The following TRPS1 variants were observed in gnomAD, a reference collection of about 807,000 sequenced individuals.
TRPS1 encodes the protein transcriptional repressor GATA binding 1.
In TRPS1, 6 loss-of-function variants were observed where a neutral mutation model predicts 101.2. That is an observed-to-expected ratio of 0.06 (90% CI 0.03 to 0.12). TRPS1 has a LOEUF of 0.12. Ranked by LOEUF, TRPS1 falls within the 10% of genes least tolerant of loss-of-function variation. The pLI is 1.00. For synonymous variants in TRPS1, 578 were observed against 589.8 expected (o/e 0.98, Z 0.29); for missense variants, 1,363 against 1,567.0 (o/e 0.87, Z 2.20).
chr8:115,606,900 G>C (rs1231988272), intron 3 of TRPS1, among the ~76,000 whole-genome samples: 2 of 151,158 alleles, frequency 1.3e-5, no homozygotes, highest in East Asian at 3.9e-4. Flanking sequence ...GATTCAAAAG[G>C]GATAAATTCA....
At position 115,604,714 on chromosome 8, in the gene TRPS1, C is replaced by T; in HGVS notation, c.1255G>A (p.Gly419Arg). ...KWQDKITVKA[G>R]DDTPVGYSVP... ...GAGTACCCAACAGGAGTGTCATCTC[C>T]TGCTTTGACTGTTATCTTGTCCTGC... Residue 419 changes from glycine to arginine, a missense_variant, in exon 4 of 7, where the codon GGA becomes AGA. Coordinates refer to ENST00000395715, the MANE Select transcript of TRPS1 (RefSeq NM_014112.5). The surrounding 1 kb of genome is among the most constrained non-coding windows in gnomAD (Gnocchi z 4.1). 5 of 1,613,810 alleles carry T rather than the reference C, an allele frequency of 3.1e-6. No individual in the cohort carries two copies. Among genetic ancestry groups the T allele is most frequent in the Non-Finnish European group, 4.2e-6 (5 of 1,179,898 alleles).
At chr8:115,637,343 G>C in intron 1 of TRPS1, 3 of 981,694 alleles carry the variant, frequency 3.1e-6, no homozygotes, top group Non-Finnish European at 3.6e-6. Context: ...AAAAAGAAGA[G>C]ATTAGGAAAA....
At chr8:115,544,251 G>T (rs1489392028) in intron 5 of TRPS1, among the ~76,000 whole-genome samples, 1 of 150,944 alleles carries the variant, frequency 6.6e-6, no homozygotes, top group African/African-American at 2.4e-5. Flanking sequence ...GCCTTCTTCA[G>T]GCCTCATTTG....
chr8:115,412,973 C>T lies in TRPS1; in HGVS notation c.*1050G>A, dbSNP rs185730794. On this transcript the variant is annotated 3_prime_UTR_variant, in exon 7 of 7. Coordinates refer to ENST00000395715, the MANE Select transcript of TRPS1 (RefSeq NM_014112.5). Reference sequence around the variant, plus strand: ...CAGTCTGTGGTAACGTAACCTTAGACGCTGCCTGACCACAAAGTTTGGAAA... The same window carrying T: ...CAGTCTGTGGTAACGTAACCTTAGATGCTGCCTGACCACAAAGTTTGGAAA... 7.2e-5 allele frequency: 11 copies of T among 152,626 alleles called. No individual in the cohort carries two copies. Among genetic ancestry groups the T allele is most frequent in the East Asian group, 1.9e-4 (1 of 5,178 alleles). 9.5% of individuals were successfully genotyped at this position (152,626 alleles called of 1,614,324 possible).
At chr8:115,636,563 G>T (rs1818771320) in intron 1 of TRPS1, among the ~76,000 whole-genome samples, 1 of 152,198 alleles carries the variant, frequency 6.6e-6, no homozygotes. Flanking sequence ...TACAGGAGGA[G>T]ACATGATTTA....
intron 5 of TRPS1, among the ~76,000 whole-genome samples, chr8:115,501,479 TA>T (rs1815318712): frequency 6.6e-6 from 1 of 152,208 alleles, no homozygotes; most frequent in Non-Finnish European, 1.5e-5. Context: ...AACTAATATT[TA>T]AAAACTCTCA....
chr8:115,631,347 C>A (rs1818636696), intron 1 of TRPS1, among the ~76,000 whole-genome samples: 1 of 151,890 alleles, frequency 6.6e-6, no homozygotes, highest in African/African-American at 2.4e-5. Context: ...AACAGCTATC[C>A]ATTCATATAT....
rs1200492080 is a variant in TRPS1 at position 115,605,002 on chromosome 8, C to T, written c.967G>A (p.Val323Met). 2.5e-6 allele frequency: 4 copies of T among 1,612,776 alleles called. No individual in the cohort carries two copies. The Admixed American group carries it at 5.0e-5, about 20-fold the overall frequency. The change falls in exon 4 of 7, where the codon GTG (valine) becomes ATG (methionine). Residue 323 changes from valine to methionine, a missense_variant and splice_region_variant. This residue lies in a region of TRPS1 where 1,020 missense variants were observed against 1,073.0 expected (regional missense o/e 0.95). Coordinates refer to ENST00000395715, the MANE Select transcript of TRPS1 (RefSeq NM_014112.5). Reference protein sequence around the residue: ...VLLNGTYDVQVTSGGTFIGIG... With the variant: ...VLLNGTYDVQMTSGGTFIGIG... ...CCAATGAATGTTCCACCTGAAGTCACCTGGAGAACAGAAGAAATGGACTTT... is the reference window on the plus strand; with the variant it reads ...CCAATGAATGTTCCACCTGAAGTCATCTGGAGAACAGAAGAAATGGACTTT...
intron 5 of TRPS1, among the ~76,000 whole-genome samples, chr8:115,527,622 C>T (rs1435836419): frequency 6.6e-6 from 1 of 151,990 alleles, no homozygotes; most frequent in Non-Finnish European, 1.5e-5. Context: ...TATAATAAAA[C>T]TGAAACTGTG....
intron 5 of TRPS1, among the ~76,000 whole-genome samples, chr8:115,439,961 TAAAAAGA>T (rs1227499195): frequency 6.6e-6 from 1 of 152,206 alleles, no homozygotes; most frequent in African/African-American, 2.4e-5. Flanking sequence ...ACTTTAGATC[TAAAAAGA>T]AACATTGAGT....
rs1812714006 is a variant in TRPS1, at chr8:115,408,747, T to A, written c.*5276A>T. Reference sequence around the variant, plus strand: ...CTTTTTCTTAGCAACATGAAATCATTCCATATGAAAGACATTTTCTGCTGG... The same window carrying A: ...CTTTTTCTTAGCAACATGAAATCATACCATATGAAAGACATTTTCTGCTGG... On this transcript the variant is annotated 3_prime_UTR_variant, in exon 7 of 7. Coordinates refer to ENST00000395715, the MANE Select transcript of TRPS1 (RefSeq NM_014112.5). The A allele has an allele frequency of 6.6e-6, 1 of 152,178 alleles. No homozygotes were observed. The highest frequency in any genetic ancestry group is 2.1e-4 in the South Asian group (1 of 4,824). 9.4% of individuals were successfully genotyped at this position (152,178 alleles called of 1,614,324 possible). A position where few individuals can be genotyped will look rare whatever the true frequency, so the allele number is the denominator to read the frequency against.
chr8:115,539,705 A>C (rs1351225054), intron 5 of TRPS1, among the ~76,000 whole-genome samples: 1 of 152,114 alleles, frequency 6.6e-6, no homozygotes, highest in African/African-American at 2.4e-5. Flanking sequence ...ATAATCCCCC[A>C]AAATTAGCCA....
chr8:115,605,187 T>C lies in TRPS1; in HGVS notation c.967-185A>G, dbSNP rs76695543. ...TCACTCTTCATTTCTCAACAGCTAC[T>C]CTTTGAGAGGCTCATTATGTTATAC... On this transcript the variant is annotated intron_variant, in intron 3 of 6. Transcript: ENST00000395715. Among the ~76,000 whole-genome samples the C allele has an allele frequency of 0.016, 2,483 of 152,262 alleles. 60 individuals carry two copies. The highest frequency in any genetic ancestry group is 0.057 in the African/African-American group (2,354 of 41,544).
At position 115,427,495 on chromosome 8, in the gene TRPS1, A is replaced by T. The variant is rs557119870; in HGVS notation, c.2701-9043T>A. On this transcript the variant is annotated intron_variant, in intron 5 of 6. Transcript: ENST00000395715. ...TATCATTATTATTATTATTCCCTCC[A>T]CTTTATAGATGAGAAAACTGAGGCT... is the stretch of plus-strand genomic sequence containing the variant. 1.1e-3 allele frequency among the ~76,000 whole-genome samples: 174 copies of T among 151,980 alleles called. 1 individual carries two copies. Among genetic ancestry groups the T allele is most frequent in the Non-Finnish European group, 1.0e-3 (71 of 68,004 alleles).
chr8:115,575,014 G>C (rs1817284360), intron 5 of TRPS1, among the ~76,000 whole-genome samples: 1 of 152,080 alleles, frequency 6.6e-6, no homozygotes, highest in South Asian at 2.1e-4. Flanking sequence ...TGTTTCTCAG[G>C]AGTCTATATA....
At chr8:115,492,926 G>A (rs1317123505) in intron 5 of TRPS1, among the ~76,000 whole-genome samples, 1 of 152,062 alleles carries the variant, frequency 6.6e-6, no homozygotes, top group East Asian at 1.9e-4. Flanking sequence ...TCTTGGCCAG[G>A]CTGGTTTTGA....
intron 5 of TRPS1, among the ~76,000 whole-genome samples, chr8:115,543,202 T>C (rs749805574): frequency 6.6e-6 from 1 of 152,160 alleles, no homozygotes; most frequent in African/African-American, 2.4e-5. Context: ...ATCACTGTTA[T>C]AGGGAAGCAG....
chr8:115,662,117 G>A (rs1811812128), intron 1 of TRPS1, among the ~76,000 whole-genome samples: 1 of 151,894 alleles, frequency 6.6e-6, no homozygotes, highest in African/African-American at 2.4e-5. Flanking sequence ...AGCAAAAAAG[G>A]AATGCCTACG....
rs77676407 is a variant in TRPS1 at position 115,584,627 on chromosome 8, C to CT, written c.2700+2373dup. ...TAGTAAACATGACCTCAAAATTCTG[C>CT]TTTTTTTTTTTTTTCTACCACTGGT... On this transcript the variant is annotated intron_variant, in intron 5 of 6. Transcript: ENST00000395715. Among the ~76,000 whole-genome samples the CT allele has an allele frequency of 7.7e-3, 1,062 of 138,174 alleles. 2 individuals carry two copies. Among genetic ancestry groups the CT allele is most frequent in the Non-Finnish European group, 0.012 (732 of 63,054 alleles). 90.6% of individuals were successfully genotyped at this position (138,174 alleles called of 152,430 possible). A position where few individuals can be genotyped will look rare whatever the true frequency, so the allele number is the denominator to read the frequency against.
Sources: gnomAD v4.1 joint callset for allele counts (sites outside exome capture counted in the v4.1 genomes callset) on GRCh38, gnomAD v4.1.1 for gene constraint, gnomAD v4.1.1 regional missense constraint, Gnocchi (gnomAD v3.1) non-coding constraint, MANE v1.5 for transcripts, NCBI Gene and HGNC (gene_info 2026-07-23, HGNC 2026-07-21) for gene names.